PIK3R5: variants seen among roughly 807,000 people sequenced by gnomAD.
PIK3R5 encodes the protein phosphoinositide 3-kinase regulatory subunit 5.
PIK3R5 carries 32 observed loss-of-function variants against 94.9 expected under a neutral mutation model. The observed-to-expected ratio is 0.34, with a 90% CI of 0.25 to 0.45. The LOEUF (loss-of-function observed/expected upper bound fraction) is 0.45, where lower values mean the gene tolerates loss of function less well. Ranked by LOEUF, PIK3R5 falls within the 20% of genes least tolerant of loss-of-function variation. The pLI is 1.00. For synonymous variants in PIK3R5, 443 were observed against 479.4 expected (o/e 0.92, Z 0.99); for missense variants, 853 against 1,144.6 (o/e 0.75, Z 3.68).
chr17:8,906,419 T>C (rs1169612452), intron 3 of PIK3R5, among the ~76,000 whole-genome samples: 4 of 152,248 alleles, frequency 2.6e-5, no homozygotes, highest in African/African-American at 9.6e-5. Context: ...ATTTGTGTTA[T>C]AAATATTTTT....
intron 4 of PIK3R5, 57 bp downstream of exon 4, chr17:8,905,612 G>A: frequency 1.5e-6 from 2 of 1,306,898 alleles, no homozygotes; most frequent in Non-Finnish European, 2.1e-6. Flanking sequence ...GCCCCAGATA[G>A]AGGTCGCTCC....
At position 8,888,973 on chromosome 17, in the gene PIK3R5, G is replaced by C. The variant is rs2089956373; in HGVS notation, c.896-82C>G. 5.2e-6 allele frequency: 8 copies of C among 1,538,754 alleles called. No homozygotes were observed. The highest frequency in any genetic ancestry group is 6.1e-6 in the Non-Finnish European group (7 of 1,147,046). On this transcript the variant is annotated intron_variant, in intron 9 of 18. Coordinates refer to ENST00000447110, the MANE Select transcript of PIK3R5 (RefSeq NM_001142633.3). The surrounding 1 kb of genome is among the most constrained non-coding windows in gnomAD (Gnocchi z 7.8). The stretch of plus-strand genomic sequence containing the variant: ...TATTCCCTTTGGAGGGGAGACAGCA[G>C]GACTCAGGGCCAGCCCAGGACTCCT...
At chr17:8,942,599 C>A (rs977433295) in intron 1 of PIK3R5, among the ~76,000 whole-genome samples, 3 of 151,060 alleles carry the variant, frequency 2.0e-5, no homozygotes, top group African/African-American at 7.4e-5. Context: ...CAGCCTTATT[C>A]TTTTTCTTTC....
chr17:8,911,669 G>C lies in PIK3R5; in HGVS notation c.-13-162C>G. On this transcript the variant is annotated intron_variant, in intron 1 of 18. Transcript: ENST00000447110. This position sits in a 1 kb window ranked among gnomAD's most constrained non-coding sequence, Gnocchi z 5.3. ...ACCAGGGGCCTTACAGCTGCCTCCA[G>C]GGTAGGAATGGCATCTGGAGGGCCA... is the stretch of plus-strand genomic sequence containing the variant. 1 of 577,162 alleles carries C rather than the reference G, an allele frequency of 1.7e-6. No homozygotes were observed. The highest frequency in any genetic ancestry group is 3.1e-6 in the Non-Finnish European group (1 of 322,218). The allele number at this position is 577,162 out of a possible 1,614,324, so 35.8% of individuals were successfully genotyped here. A position where few individuals can be genotyped will look rare whatever the true frequency, so the allele number is the denominator to read the frequency against.
chr17:8,940,133 G>C (rs2091148485), intron 1 of PIK3R5, among the ~76,000 whole-genome samples: 1 of 152,196 alleles, frequency 6.6e-6, no homozygotes, highest in African/African-American at 2.4e-5. Flanking sequence ...GGGCCTGGCT[G>C]AAGGTGTGGT....
rs1372614887 is a variant in PIK3R5 at position 8,935,407 on chromosome 17, G to A, written c.-13-23900C>T. Among the ~76,000 whole-genome samples, 1 of 152,222 alleles carries A rather than the reference G, an allele frequency of 6.6e-6. No homozygotes were observed. Among genetic ancestry groups the A allele is most frequent in the East Asian group, 1.9e-4 (1 of 5,180 alleles). ...ATCACGTCTATTGCAACGTCCCAGT[G>A]AGTCAGTCTTCAGAGGTGTTGAACG... On this transcript the variant is annotated intron_variant, in intron 1 of 18. Coordinates refer to ENST00000447110, the MANE Select transcript of PIK3R5 (RefSeq NM_001142633.3). This position sits in a 1 kb window ranked among gnomAD's most constrained non-coding sequence, Gnocchi z 4.5.
Position 8,946,322 on chromosome 17 carries a change from T to C in PIK3R5, c.-14+19274A>G, listed in dbSNP as rs117931600. Reference sequence around the variant, plus strand: ...TTCAGAAAAGTCCAGATGGAAAAGCTAGAAAGAAAACTACTAGAAAGAAAA... The same window carrying C: ...TTCAGAAAAGTCCAGATGGAAAAGCCAGAAAGAAAACTACTAGAAAGAAAA... On this transcript the variant is annotated intron_variant, in intron 1 of 18. Coordinates refer to ENST00000447110, the MANE Select transcript of PIK3R5 (RefSeq NM_001142633.3). Among the ~76,000 whole-genome samples the C allele has an allele frequency of 1.6e-3, 234 of 150,624 alleles. 2 individuals carry two copies. Among genetic ancestry groups the C allele is most frequent in the Non-Finnish European group, 3.0e-3 (202 of 67,884 alleles).
At chr17:8,885,632 C>T (rs1410809509) in intron 14 of PIK3R5, among the ~76,000 whole-genome samples, 2 of 116,742 alleles carry the variant, frequency 1.7e-5, no homozygotes, top group African/African-American at 3.6e-5. Flanking sequence ...CCCATGGCCC[C>T]ACCTCCTGGG....
At chr17:8,939,207 G>A (rs904822961) in intron 1 of PIK3R5, among the ~76,000 whole-genome samples, 1 of 152,178 alleles carries the variant, frequency 6.6e-6, no homozygotes, top group African/African-American at 2.4e-5. Context: ...GAGCAATGAT[G>A]CTAACTCAGG....
intron 1 of PIK3R5, among the ~76,000 whole-genome samples, chr17:8,949,525 A>T (rs1339094528): frequency 6.6e-6 from 1 of 152,200 alleles, no homozygotes; most frequent in African/African-American, 2.4e-5. Flanking sequence ...AGAGACAGAG[A>T]CAGAGAAAGA....
At chr17:8,886,728 G>C in intron 12 of PIK3R5, 123 bp from the exon 13 acceptor site, 1 of 1,166,368 alleles carries the variant, frequency 8.6e-7, no homozygotes, top group Non-Finnish European at 1.2e-6. Context: ...GGGAGCTGGT[G>C]AGGTGGAAGC....
At chr17:8,928,749 T>C (rs936314031) in intron 1 of PIK3R5, among the ~76,000 whole-genome samples, 1 of 152,114 alleles carries the variant, frequency 6.6e-6, no homozygotes. Context: ...TCTAGAAGAA[T>C]GGCCAAAGGA....
chr17:8,881,644 T>C lies in PIK3R5; in HGVS notation c.2368A>G (p.Lys790Glu). 1 of 1,613,020 alleles carries C rather than the reference T, an allele frequency of 6.2e-7. No homozygotes were observed. Among genetic ancestry groups the C allele is most frequent in the South Asian group, 1.1e-5 (1 of 90,844 alleles). ...GAAGCCCGTACCTGGTTAAAGCCCTTCTTGGATTTGGAGTTCTGCCTTTTC... is the reference window on the plus strand; with the variant it reads ...GAAGCCCGTACCTGGTTAAAGCCCTCCTTGGATTTGGAGTTCTGCCTTTTC... Reference protein sequence around the residue: ...VVKRQNSKSKKGFNQISTSQI... With the variant: ...VVKRQNSKSKEGFNQISTSQI... The change falls in exon 17 of 19, where the codon AAG becomes GAG. Residue 790 changes from lysine (K) to glutamate (E), a missense_variant. Coordinates refer to ENST00000447110, the MANE Select transcript of PIK3R5 (RefSeq NM_001142633.3). This position sits in a 1 kb window ranked among gnomAD's most constrained non-coding sequence, Gnocchi z 4.8.
In PIK3R5 at chr17:8,947,312, C is replaced by T. The variant is rs148714675; in HGVS notation, c.-14+18284G>A. The stretch of plus-strand genomic sequence containing the variant: ...GTTAGTGATGAGGAAGATTACTGTC[C>T]TATCTTCTGCCTTTAATTCTCACCA... On this transcript the variant is annotated intron_variant, in intron 1 of 18. Coordinates refer to ENST00000447110, the MANE Select transcript of PIK3R5 (RefSeq NM_001142633.3). Among the ~76,000 whole-genome samples the T allele has an allele frequency of 1.9e-3, 291 of 152,290 alleles. 1 individual carries two copies. The highest frequency in any genetic ancestry group is 4.3e-3 in the Admixed American group (66 of 15,302).
chr17:8,922,285 T>C (rs1223084711), intron 1 of PIK3R5, among the ~76,000 whole-genome samples: 2 of 152,162 alleles, frequency 1.3e-5, no homozygotes, highest in African/African-American at 2.4e-5. Context: ...GATTATCAAA[T>C]TGATTATCAA....
At chr17:8,924,898 C>A (rs1023317714) in intron 1 of PIK3R5, among the ~76,000 whole-genome samples, 2 of 152,202 alleles carry the variant, frequency 1.3e-5, no homozygotes, top group African/African-American at 4.8e-5. Flanking sequence ...CCGTTTAGCC[C>A]AGTCTAGAAC....
At chr17:8,906,716 G>A (rs935618562) in intron 3 of PIK3R5, among the ~76,000 whole-genome samples, 33 of 151,946 alleles carry the variant, frequency 2.2e-4, no homozygotes, top group African/African-American at 8.0e-4. Context: ...AACCCCATCT[G>A]TACTAAAAAT....
chr17:8,891,327 G>T (rs1303610689), intron 6 of PIK3R5, among the ~76,000 whole-genome samples: 1 of 152,182 alleles, frequency 6.6e-6, no homozygotes, highest in African/African-American at 2.4e-5. Context: ...CAGCAACGTG[G>T]TGCTGTGCAG....
intron 5 of PIK3R5, among the ~76,000 whole-genome samples, chr17:8,899,148 T>C (rs2090220179): frequency 6.6e-6 from 1 of 152,220 alleles, no homozygotes. Context: ...CAGGACCCAG[T>C]GGCACTGACG....
Sources: gnomAD v4.1 joint callset for allele counts (sites outside exome capture counted in the v4.1 genomes callset) on GRCh38, gnomAD v4.1.1 for gene constraint, Gnocchi (gnomAD v3.1) non-coding constraint, MANE v1.5 for transcripts, NCBI Gene and HGNC (gene_info 2026-07-23, HGNC 2026-07-21) for gene names.